FGB: variants seen among roughly 807,000 people sequenced by gnomAD.
The protein encoded by FGB is fibrinogen beta chain.
In FGB, 25 loss-of-function variants were observed where a neutral mutation model predicts 57.9. The ratio of observed to expected loss-of-function variants is 0.43; its 90% confidence interval spans 0.31 to 0.60. FGB has a LOEUF of 0.60. FGB is among the 20% of genes least tolerant of loss of function. The pLI is 0.08. For synonymous variants in FGB, 203 were observed against 199.2 expected, an observed-to-expected ratio of 1.02 and a Z score of -0.16; for missense variants, 536 against 598.4, an observed-to-expected ratio of 0.90 and a Z score of 1.09.
At position 154,569,638 on chromosome 4, in the gene FGB, A is replaced by G. The variant is rs1199395670; in HGVS notation, c.1083A>G (p.Val361=). 1.9e-6 allele frequency: 3 copies of G among 1,614,156 alleles called. No individual in the cohort carries two copies. Among genetic ancestry groups the G allele is most frequent in the Non-Finnish European group, 1.7e-6 (2 of 1,180,004 alleles). The change falls in exon 7 of 8, where the codon GTA becomes GTG. Residue 361 remains valine (V), a synonymous_variant. Coordinates refer to ENST00000302068, the MANE Select transcript of FGB (RefSeq NM_005141.5). ...AGGCTCACTATGGAGGATTCACTGT[A>G]CAGAATGAAGCCAACAAATACCAGA... ...KVKAHYGGFT[V]QNEANKYQIS...
At position 154,570,456 on chromosome 4, in the gene FGB, G is replaced by C; in HGVS notation, c.1282G>C (p.Asp428His). 6.2e-7 allele frequency: 1 copy of C among 1,614,134 alleles called. No individual in the cohort carries two copies. The highest frequency in any genetic ancestry group is 8.5e-7 in the Non-Finnish European group (1 of 1,179,992). ...TCCCAGAAAACAGTGTTCTAAAGAAGACGGTGGTGGATGGTGGTATAATAG... is the reference window on the plus strand; with the variant it reads ...TCCCAGAAAACAGTGTTCTAAAGAACACGGTGGTGGATGGTGGTATAATAG... ...SDPRKQCSKE[D>H]GGGWWYNRCH... The change falls in exon 8 of 8, where the codon GAC (aspartate) becomes CAC (histidine). Residue 428 changes from aspartate to histidine, a missense_variant. Physicochemically the swap from Asp to His is moderately conservative, Grantham distance 81. Around this residue, in one of 3 missense-constraint regions of FGB, gnomAD observed 177 missense variants for 193.7 expected, o/e 0.91. Transcript: ENST00000302068.
chr4:154,563,379 G>T (rs770552663), intron 1 of FGB, among the ~76,000 whole-genome samples: 8 of 151,780 alleles, frequency 5.3e-5, no homozygotes, highest in Non-Finnish European at 1.0e-4. Flanking sequence ...GCTAATGTAA[G>T]ATGTGTTTTT....
intron 4 of FGB, 73 bp from the exon 5 acceptor site, chr4:154,568,308 T>G (rs902715123): frequency 2.4e-6 from 2 of 823,340 alleles, no homozygotes; most frequent in Admixed American, 1.7e-5. Context: ...AATGTTATTT[T>G]AAAGAATTGG....
At chr4:154,564,855 G>T (rs1257235581) in intron 1 of FGB, among the ~76,000 whole-genome samples, 1 of 151,834 alleles carries the variant, frequency 6.6e-6, no homozygotes, top group Non-Finnish European at 1.5e-5. Flanking sequence ...AATATTTTAA[G>T]TTAGCAAGTA....
At chr4:154,562,988 A>G (rs1730007056), upstream of FGB, 2 of 1,071,998 alleles carry the variant, frequency 1.9e-6, no homozygotes, top group Non-Finnish European at 2.8e-6. Context: ...TCAGATATAT[A>G]TAGGATTGAA....
intron 7 of FGB, 106 bp downstream of exon 7, chr4:154,569,905 C>T: frequency 8.2e-7 from 1 of 1,218,328 alleles, no homozygotes; most frequent in South Asian, 1.3e-5. Flanking sequence ...CACTTACTGT[C>T]AGCCACTGTC....
At chr4:154,568,699 C>CA (rs1730280537) in intron 5 of FGB, among the ~76,000 whole-genome samples, 2 of 45,500 alleles carry the variant, frequency 4.4e-5, no homozygotes, top group Non-Finnish European at 4.4e-5. Context: ...AAAAAAAATA[C>CA]CAAAAAAAAA....
chr4:154,568,532 T>G, intron 5 of FGB, 38 bp downstream of exon 5: 1 of 1,083,328 alleles, frequency 9.2e-7, no homozygotes. Flanking sequence ...TGATCTGTAA[T>G]TATTTGGATA....
intron 4 of FGB, 39 bp from the exon 5 acceptor site, chr4:154,568,342 T>C (rs745830144): frequency 9.5e-7 from 1 of 1,049,662 alleles, no homozygotes; most frequent in Non-Finnish European, 1.5e-6. Context: ...AGTAATTATG[T>C]CATAAACCCC....
intron 7 of FGB, 87 bp downstream of exon 7, chr4:154,569,886 C>A: frequency 6.8e-7 from 1 of 1,460,618 alleles, no homozygotes; most frequent in Non-Finnish European, 9.6e-7. Flanking sequence ...ATAGCTACCA[C>A]TTCCTGGGCA....
rs768192369 is a variant in FGB at position 154,569,730 on chromosome 4, G to C, written c.1175G>C (p.Gly392Ala). The C allele has an allele frequency of 8.7e-6, 14 of 1,614,138 alleles. No homozygotes were observed. The Admixed American group carries it at 2.2e-4, about 25-fold the overall frequency. Reference sequence around the variant, plus strand: ...ATGGATGGAGCATCTCAGCTGATGGGAGAAAACAGGACCATGACCATTCAC... The same window carrying C: ...ATGGATGGAGCATCTCAGCTGATGGCAGAAAACAGGACCATGACCATTCAC... ...ALMDGASQLM[G>A]ENRTMTIHNG... The change falls in exon 7 of 8, where the codon GGA becomes GCA. Residue 392 changes from glycine (G) to alanine (A), a missense_variant. This residue lies in a region of FGB where 177 missense variants were observed against 193.7 expected (regional missense o/e 0.91). Coordinates refer to ENST00000302068, the MANE Select transcript of FGB (RefSeq NM_005141.5).
Position 154,569,760 on chromosome 4 carries a change from G to T in FGB, c.1205G>T (p.Gly402Val), listed in dbSNP as rs1223596261. The change falls in exon 7 of 8, where the codon GGC (glycine) becomes GTC (valine). Residue 402 changes from glycine (G) to valine (V), a missense_variant. Gly to Val is a moderately radical substitution (Grantham distance 109, BLOSUM62 -3). This residue lies in a region of FGB where 177 missense variants were observed against 193.7 expected (regional missense o/e 0.91). Transcript: ENST00000302068. The stretch of plus-strand genomic sequence containing the variant: ...AACAGGACCATGACCATTCACAACG[G>T]CATGTTCTTCAGCACGTATGACAGA... ...GENRTMTIHN[G>V]MFFSTYDRDN... 1.2e-6 allele frequency: 2 copies of T among 1,614,018 alleles called. No homozygotes were observed. Among genetic ancestry groups the T allele is most frequent in the African/African-American group, 1.3e-5 (1 of 74,922 alleles).
Position 154,568,294 on chromosome 4 carries a change from A to C in FGB, c.719-87A>C, listed in dbSNP as rs1730256306. ...ATAATAACACACTCCTTAGTAACTT[A>C]TGTAATGTTATTTTAAAGAATTGGT... On this transcript the variant is annotated intron_variant, in intron 4 of 7. Transcript: ENST00000302068. The C allele has an allele frequency of 1.5e-5, 12 of 782,866 alleles. No homozygotes were observed. The Admixed American group carries it at 1.9e-4, about 12-fold the overall frequency. 48.5% of individuals were successfully genotyped at this position (782,866 alleles called of 1,614,324 possible).
chr4:154,565,595 A>C, intron 1 of FGB: 1 of 579,630 alleles, frequency 1.7e-6, no homozygotes, highest in Non-Finnish European at 3.1e-6. Flanking sequence ...TAAAAACTAC[A>C]CTGCATCATA....
chr4:154,567,536 A>G (rs1412434483), intron 3 of FGB, 57 bp from the exon 4 acceptor site: 18 of 1,016,148 alleles, frequency 1.8e-5, no homozygotes, highest in Non-Finnish European at 2.8e-5. Context: ...ATAGTTAAAT[A>G]CATTAGTTTT....
In FGB at chr4:154,563,626, G is replaced by C. The variant is rs552703958; in HGVS notation, c.114+494G>C. Among the ~76,000 whole-genome samples, 4 of 151,980 alleles carry C rather than the reference G, an allele frequency of 2.6e-5. No homozygotes were observed. In the South Asian group the frequency reaches 6.2e-4, roughly 24 times the overall value. ...TAAGCCTAAAAGCAAAATACATCAA[G>C]TGTAATGATAGAAAATGAAATATTG... On this transcript the variant is annotated intron_variant, in intron 1 of 7. Transcript: ENST00000302068.
rs1730227562 is a variant in FGB, at chr4:154,567,812, CTG to C, written c.711_712del (p.Gly238GlnfsTer4). On this transcript the variant is annotated frameshift_variant, in exon 4 of 8. Coordinates refer to ENST00000302068, the MANE Select transcript of FGB (RefSeq NM_005141.5). LOFTEE classifies it high-confidence loss of function. ...GTCAGTTGCAATATTCCTGTGGTGT[CTG>C]GCAAAGGTAACTGATTCATAAACAT... 1 of 1,610,094 alleles carries C rather than the reference CTG, an allele frequency of 6.2e-7. No homozygotes were observed. Among genetic ancestry groups the C allele is most frequent in the Non-Finnish European group, 8.5e-7 (1 of 1,176,734 alleles).
At chr4:154,566,050 C>A in intron 2 of FGB, 51 bp downstream of exon 2, 1 of 1,528,246 alleles carries the variant, frequency 6.5e-7, no homozygotes, top group Non-Finnish European at 9.0e-7. Flanking sequence ...GCAGAGAAAG[C>A]CTGTAGTCAT....
In FGB at chr4:154,570,589, G is replaced by T. The variant is rs1263713509; in HGVS notation, c.1415G>T (p.Gly472Val). 1 of 1,613,966 alleles carries T rather than the reference G, an allele frequency of 6.2e-7. No homozygotes were observed. Residue 472 changes from glycine (G) to valine (V), a missense_variant, in exon 8 of 8, where the codon GGG (glycine) becomes GTG (valine). Coordinates refer to ENST00000302068, the MANE Select transcript of FGB (RefSeq NM_005141.5). ...DDGVVWMNWKGSWYSMRKMSM... is the reference protein window; with the variant it reads ...DDGVVWMNWKVSWYSMRKMSM... ...GGTGTAGTATGGATGAATTGGAAGG[G>T]GTCATGGTACTCAATGAGGAAGATG...
Sources: allele counts gnomAD v4.1 joint callset (sites outside exome capture counted in the v4.1 genomes callset), GRCh38; gene constraint gnomAD v4.1.1; regional missense constraint gnomAD v4.1.1; transcripts MANE v1.5; gene names NCBI Gene and HGNC (gene_info 2026-07-23, HGNC 2026-07-21).